The following MTUS2 variants were observed in gnomAD, a reference collection of about 807,000 sequenced individuals.
MTUS2 encodes the protein microtubule-associated tumor suppressor candidate 2.
In MTUS2, 40 loss-of-function variants were observed where a neutral mutation model predicts 114.1. The ratio of observed to expected loss-of-function variants is 0.35; its 90% CI spans 0.27 to 0.46. MTUS2 has a LOEUF of 0.46. Among genes scored for constraint, MTUS2 ranks in the 20% least tolerant of loss-of-function variants. The pLI, the probability that MTUS2 is intolerant of heterozygous loss-of-function variation, is 1.00. For synonymous variants in MTUS2, 688 were observed against 672.0 expected (o/e 1.02, Z -0.37); for missense variants, 1,679 against 1,705.4 (o/e 0.98, Z 0.27).
chr13:29,478,929 T>C (rs1238786481), intron 9 of MTUS2, among the ~76,000 whole-genome samples: 2 of 152,200 alleles, frequency 1.3e-5, no homozygotes, highest in African/African-American at 2.4e-5. Flanking sequence ...CCATCACTTA[T>C]TTCACCAGAA....
At chr13:29,450,915 C>A (rs1227765414) in intron 9 of MTUS2, among the ~76,000 whole-genome samples, 2 of 152,078 alleles carry the variant, frequency 1.3e-5, no homozygotes, top group Non-Finnish European at 2.9e-5. Flanking sequence ...TACCTACATA[C>A]CGAACAATAG....
intron 9 of MTUS2, among the ~76,000 whole-genome samples, chr13:29,462,740 G>T (rs1321592108): frequency 2.0e-5 from 3 of 152,026 alleles, no homozygotes; most frequent in African/African-American, 2.4e-5. Flanking sequence ...GCTTTTGTGT[G>T]GTCTTGTTCT....
At chr13:28,995,326 G>C (rs1170623546) in intron 2 of MTUS2, among the ~76,000 whole-genome samples, 3 of 152,200 alleles carry the variant, frequency 2.0e-5, no homozygotes, top group Non-Finnish European at 2.9e-5. Flanking sequence ...TTTGAAGTCA[G>C]GTAGTGTGAT....
intron 2 of MTUS2, among the ~76,000 whole-genome samples, chr13:28,936,415 C>A (rs1269690507): frequency 6.6e-6 from 1 of 152,200 alleles, no homozygotes; most frequent in African/African-American, 2.4e-5. Flanking sequence ...TTCAATTGCT[C>A]CTTATCTCTA....
intron 6 of MTUS2, among the ~76,000 whole-genome samples, chr13:29,311,867 A>G (rs1899780882): frequency 6.6e-6 from 1 of 152,154 alleles, no homozygotes; most frequent in Non-Finnish European, 1.5e-5. Flanking sequence ...GGGAGTTCAG[A>G]CTCACTGGAG....
intron 7 of MTUS2, among the ~76,000 whole-genome samples, chr13:29,358,027 G>GT (rs1307396315): frequency 6.6e-6 from 1 of 152,090 alleles, no homozygotes; most frequent in African/African-American, 2.4e-5. Flanking sequence ...TTGCTCCCTG[G>GT]TATCTCGGAG....
At chr13:29,353,026 C>A (rs751097383) in intron 7 of MTUS2, among the ~76,000 whole-genome samples, 2 of 152,158 alleles carry the variant, frequency 1.3e-5, no homozygotes, top group Non-Finnish European at 2.9e-5. Context: ...TCTAGTAATT[C>A]TGTTATCTGT....
chr13:28,948,128 A>T (rs1264399288), intron 2 of MTUS2, among the ~76,000 whole-genome samples: 1 of 152,198 alleles, frequency 6.6e-6, no homozygotes, highest in Non-Finnish European at 1.5e-5. Flanking sequence ...TTTCACTAGC[A>T]AAATAATTTT....
At chr13:28,841,677 T>TGG (rs398117143) in intron 2 of MTUS2, among the ~76,000 whole-genome samples, 4 of 148,000 alleles carry the variant, frequency 2.7e-5, no homozygotes, top group African/African-American at 7.4e-5. Context: ...TGTGTGTGTG[T>TGG]TTTTTTTTGT....
At chr13:28,940,977 A>G (rs552150626) in intron 2 of MTUS2, among the ~76,000 whole-genome samples, 22 of 152,252 alleles carry the variant, frequency 1.4e-4, no homozygotes, top group Admixed American at 1.3e-3. Flanking sequence ...GTTACCATCT[A>G]AGTTAGACTT....
intron 2 of MTUS2, among the ~76,000 whole-genome samples, chr13:29,001,926 G>A (rs999731342): frequency 2.0e-5 from 3 of 152,092 alleles, no homozygotes; most frequent in African/African-American, 4.8e-5. Flanking sequence ...CATTCAGGTC[G>A]CCTCTGTATC....
At chr13:29,345,411 G>A (rs1011881252) in intron 7 of MTUS2, among the ~76,000 whole-genome samples, 2 of 151,436 alleles carry the variant, frequency 1.3e-5, no homozygotes, top group Non-Finnish European at 2.9e-5. Context: ...CCTTGCCTTC[G>A]AGCTCTGAAT....
At chr13:29,301,122 G>A (rs1899186223) in intron 6 of MTUS2, among the ~76,000 whole-genome samples, 1 of 152,220 alleles carries the variant, frequency 6.6e-6, no homozygotes, top group African/African-American at 2.4e-5. Context: ...AACCAGCCTA[G>A]CTGATGTGAG....
At chr13:29,366,645 A>G (rs1342645655) in intron 8 of MTUS2, among the ~76,000 whole-genome samples, 6 of 152,198 alleles carry the variant, frequency 3.9e-5, no homozygotes, top group South Asian at 2.1e-4. Context: ...TGAAAATATA[A>G]GTTAGATTAT....
intron 2 of MTUS2, among the ~76,000 whole-genome samples, chr13:29,003,474 G>C (rs980675072): frequency 3.9e-5 from 6 of 152,156 alleles, no homozygotes; most frequent in Non-Finnish European, 8.8e-5. Context: ...TGTAGTTCAA[G>C]CATGTTAGTG....
intron 2 of MTUS2, among the ~76,000 whole-genome samples, chr13:28,866,611 C>G (rs1424330697): frequency 6.6e-6 from 1 of 152,132 alleles, no homozygotes; most frequent in Non-Finnish European, 1.5e-5. Context: ...TTATTATGAA[C>G]TCTTTTCATG....
chr13:29,185,510 CA>C (rs1253560514), intron 5 of MTUS2, among the ~76,000 whole-genome samples: 1 of 152,100 alleles, frequency 6.6e-6, no homozygotes, highest in Non-Finnish European at 1.5e-5. Context: ...GATCTGAATA[CA>C]AGGAGAGAAT....
At chr13:29,383,007 C>T (rs532915856) in intron 8 of MTUS2, among the ~76,000 whole-genome samples, 11 of 152,104 alleles carry the variant, frequency 7.2e-5, no homozygotes, top group African/African-American at 1.2e-4. Flanking sequence ...CGTGTGGGGA[C>T]GCAGCGAGGT....
chr13:29,165,859 A>G (rs1893295543), intron 5 of MTUS2, among the ~76,000 whole-genome samples: 2 of 152,346 alleles, frequency 1.3e-5, no homozygotes, highest in Non-Finnish European at 2.9e-5. Flanking sequence ...AATTTCCACA[A>G]AATTGATGCA....
Sources: allele counts gnomAD v4.1 joint callset (sites outside exome capture counted in the v4.1 genomes callset), GRCh38; gene constraint gnomAD v4.1.1; transcripts MANE v1.5; gene names NCBI Gene and HGNC (gene_info 2026-07-23, HGNC 2026-07-21).